Variants in AP4S1 observed in about 807,000 individuals in gnomAD.
AP4S1 encodes AP-4 complex subunit sigma-1.
Under a neutral mutation model 19.8 loss-of-function variants are expected in AP4S1, and 23 were observed. The ratio of observed to expected loss-of-function variants is 1.16; its 90% CI spans 0.84 to 1.65. The LOEUF is 1.65. Ranked by LOEUF, AP4S1 falls within the 40% of genes most tolerant of loss-of-function variation. The pLI is 0.00. For missense variants in AP4S1, 166 were observed against 172.8 expected, an observed-to-expected ratio of 0.96 and a Z score of 0.22; for synonymous variants, 46 against 54.1, an observed-to-expected ratio of 0.85 and a Z score of 0.66.
chr14:31,041,845 T>C (rs1012570902), intron 1 of AP4S1, among the ~76,000 whole-genome samples: 1 of 150,864 alleles, frequency 6.6e-6, no homozygotes, highest in African/African-American at 2.5e-5. Flanking sequence ...TTAACATTAT[T>C]TTATTTTATT....
intron 4 of AP4S1, among the ~76,000 whole-genome samples, chr14:31,073,472 A>G (rs1381177021): frequency 1.3e-5 from 2 of 148,690 alleles, no homozygotes; most frequent in Non-Finnish European, 3.0e-5. Flanking sequence ...CCTGGGCAAC[A>G]GAGCGAGACT....
At chr14:31,045,592 A>G (rs764680796) in intron 1 of AP4S1, among the ~76,000 whole-genome samples, 6 of 152,292 alleles carry the variant, frequency 3.9e-5, no homozygotes, top group Non-Finnish European at 7.3e-5. Context: ...CTGTGAATCA[A>G]TTAAACTACT....
chr14:31,059,764 C>T (rs1039091645), intron 1 of AP4S1, among the ~76,000 whole-genome samples: 4 of 151,898 alleles, frequency 2.6e-5, no homozygotes, highest in Admixed American at 2.0e-4. Context: ...CCCCATGGCA[C>T]AGCTGTTATA....
chr14:31,028,461 T>G (rs1884180349), intron 1 of AP4S1, among the ~76,000 whole-genome samples: 1 of 152,034 alleles, frequency 6.6e-6, no homozygotes. Flanking sequence ...ACATATTTCT[T>G]CAAATTATTA....
Position 31,043,710 on chromosome 14 carries a change from T to C in AP4S1, c.-72+17923T>C, listed in dbSNP as rs150838288. Among the ~76,000 whole-genome samples the C allele has an allele frequency of 3.2e-4, 49 of 152,342 alleles. No homozygotes were observed. In the East Asian group the frequency reaches 7.9e-3, roughly 25 times the overall value. On this transcript the variant is annotated intron_variant, in intron 1 of 5. Transcript: ENST00000542754. ...AGGCAAAGAAACAATGTTTTTGTTATGTACAAACATAATATAACAAACTCT... is the reference window on the plus strand; with the variant it reads ...AGGCAAAGAAACAATGTTTTTGTTACGTACAAACATAATATAACAAACTCT...
intron 1 of AP4S1, among the ~76,000 whole-genome samples, chr14:31,050,369 A>AT (rs1378436477): frequency 6.6e-6 from 1 of 151,978 alleles, no homozygotes; most frequent in African/African-American, 2.4e-5. Flanking sequence ...CTATTTGTTT[A>AT]TTTTTTTACT....
chr14:31,058,527 A>C (rs61976842), intron 1 of AP4S1, among the ~76,000 whole-genome samples: 21 of 136,668 alleles, frequency 1.5e-4, no homozygotes, highest in African/African-American at 6.1e-4. Flanking sequence ...CTGTGTGTGT[A>C]TGTGTGTGTG....
chr14:31,052,160 A>T (rs371124370), intron 1 of AP4S1, among the ~76,000 whole-genome samples: 1 of 152,024 alleles, frequency 6.6e-6, no homozygotes, highest in Non-Finnish European at 1.5e-5. Flanking sequence ...AGTCACAACC[A>T]CTAGGGAGGC....
At chr14:31,056,746 C>T (rs1050467248) in intron 1 of AP4S1, among the ~76,000 whole-genome samples, 5 of 152,284 alleles carry the variant, frequency 3.3e-5, no homozygotes, top group Admixed American at 2.0e-4. Context: ...ATGACTGGAT[C>T]ACTTCCAAAG....
intron 4 of AP4S1, among the ~76,000 whole-genome samples, chr14:31,073,365 C>A (rs1449333314): frequency 7.5e-6 from 1 of 133,264 alleles, no homozygotes; most frequent in African/African-American, 2.6e-5. Flanking sequence ...TGGTGGGCGC[C>A]TGTAGTCCCA....
At chr14:31,050,330 G>A (rs1169492452) in intron 1 of AP4S1, among the ~76,000 whole-genome samples, 1 of 152,170 alleles carries the variant, frequency 6.6e-6, no homozygotes, top group Non-Finnish European at 1.5e-5. Context: ...AAAATGCTGG[G>A]ATTATAGGCG....
At chr14:31,035,308 C>T (rs990983146) in intron 1 of AP4S1, among the ~76,000 whole-genome samples, 3 of 149,516 alleles carry the variant, frequency 2.0e-5, no homozygotes, top group Non-Finnish European at 3.0e-5. Flanking sequence ...AATTCTCCTG[C>T]CTCAGCCTCC....
chr14:31,059,036 G>A (rs999028374), intron 1 of AP4S1, among the ~76,000 whole-genome samples: 1 of 152,046 alleles, frequency 6.6e-6, no homozygotes, highest in Non-Finnish European at 1.5e-5. Context: ...ACCATGATAG[G>A]TGCTTACAGC....
intron 5 of AP4S1, among the ~76,000 whole-genome samples, chr14:31,092,592 C>T (rs1888105648): frequency 6.6e-6 from 1 of 152,160 alleles, no homozygotes; most frequent in African/African-American, 2.4e-5. Flanking sequence ...GAGTTAAGGT[C>T]ATTCTCTTGC....
intron 1 of AP4S1, among the ~76,000 whole-genome samples, chr14:31,044,603 T>G (rs2139462997): frequency 6.6e-6 from 1 of 151,930 alleles, no homozygotes; most frequent in Non-Finnish European, 1.5e-5. Flanking sequence ...CCACCTCAGC[T>G]TCCCAAAGTG....
In AP4S1 at chr14:31,080,684, A is replaced by G. The variant is rs767830812; in HGVS notation, c.306+100A>G. The stretch of plus-strand genomic sequence containing the variant: ...GCAGGAAAACTATTCAGCAGAGTCC[A>G]GAGTGTTCATCACCAACAACTATGA... On this transcript the variant is annotated intron_variant, in intron 5 of 5. Coordinates refer to ENST00000542754, the MANE Select transcript of AP4S1 (RefSeq NM_001128126.3). 7 of 1,541,564 alleles carry G rather than the reference A, an allele frequency of 4.5e-6. No homozygotes were observed. In the Admixed American group the frequency reaches 1.0e-4, roughly 22 times the overall value.
chr14:31,078,449 C>T (rs1013667403), intron 4 of AP4S1, among the ~76,000 whole-genome samples: 3 of 152,050 alleles, frequency 2.0e-5, no homozygotes, highest in Non-Finnish European at 2.9e-5. Flanking sequence ...ATAGCTCTAG[C>T]TTCTGCTTAC....
chr14:31,085,038 A>G, intron 5 of AP4S1: 1 of 1,462,900 alleles, frequency 6.8e-7, no homozygotes, highest in Admixed American at 2.5e-5. Flanking sequence ...GACTTAGTTT[A>G]TTTGGGCTAG....
intron 4 of AP4S1, among the ~76,000 whole-genome samples, chr14:31,078,786 C>A (rs2139092311): frequency 6.6e-6 from 1 of 152,184 alleles, no homozygotes; most frequent in African/African-American, 2.4e-5. Context: ...TTATGCAGGA[C>A]TTGGACGGTA....
Sources: allele counts gnomAD v4.1 joint callset (sites outside exome capture counted in the v4.1 genomes callset), GRCh38; gene constraint gnomAD v4.1.1; transcripts MANE v1.5; gene names NCBI Gene and HGNC (gene_info 2026-07-23, HGNC 2026-07-21).